TMEM87A: variants seen among roughly 807,000 people sequenced by gnomAD.
TMEM87A encodes the protein Golgi-pH regulating cation channel.
TMEM87A carries 50 observed loss-of-function variants against 90.0 expected under a neutral mutation model. The ratio of observed to expected loss-of-function variants is 0.56; its 90% CI spans 0.44 to 0.70. The LOEUF (loss-of-function observed/expected upper bound fraction) is 0.70, where lower values mean the gene tolerates loss of function less well. Ranked by LOEUF, TMEM87A falls within the 30% of genes least tolerant of loss-of-function variation. The pLI, the probability that TMEM87A is intolerant of heterozygous loss-of-function variation, is 0.00. For synonymous variants in TMEM87A, 226 were observed against 226.7 expected, an observed-to-expected ratio of 1.00 and a Z score of 0.03; for missense variants, 577 against 660.5, an observed-to-expected ratio of 0.87 and a Z score of 1.39.
Position 42,211,742 on chromosome 15 carries a change from A to C in TMEM87A, c.1634T>G (p.Met545Arg). ...PALLDSDEER[M>R]ITHFERSKME Reference sequence around the variant, plus strand: ...TTTGGACCTTTCAAAGTGTGTGATCATTCGTTCCTAGGGAAAAAAAAAAAG... The same window carrying C: ...TTTGGACCTTTCAAAGTGTGTGATCCTTCGTTCCTAGGGAAAAAAAAAAAG... The change falls in exon 20 of 20, where the codon ATG becomes AGG. Residue 545 changes from methionine to arginine, a missense_variant. Coordinates refer to ENST00000389834, the MANE Select transcript of TMEM87A (RefSeq NM_015497.5). The C allele has an allele frequency of 6.2e-7, 1 of 1,611,636 alleles. No individual in the cohort carries two copies. Among genetic ancestry groups the C allele is most frequent in the Non-Finnish European group, 8.5e-7 (1 of 1,179,196 alleles).
chr15:42,249,712 A>G (rs1398242895), intron 6 of TMEM87A, among the ~76,000 whole-genome samples: 1 of 152,182 alleles, frequency 6.6e-6, no homozygotes, highest in East Asian at 1.9e-4. Context: ...CAATTTTGGA[A>G]TAAGTGTGAT....
Position 42,264,189 on chromosome 15 carries a change from C to A in TMEM87A, c.306G>T (p.Glu102Asp). Residue 102 changes from glutamate (E) to aspartate (D), a missense_variant, in exon 4 of 20, where the codon GAG (glutamate) becomes GAT (aspartate). Glu to Asp is a conservative substitution (Grantham distance 45). Coordinates refer to ENST00000389834, the MANE Select transcript of TMEM87A (RefSeq NM_015497.5). ...TTTCCTTAAGTTTTTCCAAATACAA[C>A]TCTACTTCTTCTGCCTGGAAAAAGA... ...EIYNFKAEEV[E>D]LYLEKLKEKR... 2 of 1,612,450 alleles carry A rather than the reference C, an allele frequency of 1.2e-6. No homozygotes were observed. Among genetic ancestry groups the A allele is most frequent in the Non-Finnish European group, 1.7e-6 (2 of 1,178,940 alleles).
chr15:42,242,774 A>T (rs1160735232), intron 7 of TMEM87A, among the ~76,000 whole-genome samples: 1 of 152,052 alleles, frequency 6.6e-6, no homozygotes, highest in Non-Finnish European at 1.5e-5. Flanking sequence ...CATTCTTAAC[A>T]TTTTTTTTAA....
At chr15:42,264,829 AT>A in intron 3 of TMEM87A, among the ~76,000 whole-genome samples, 1 of 151,588 alleles carries the variant, frequency 6.6e-6, no homozygotes, top group East Asian at 1.9e-4. Context: ...CTCAAGAGTT[AT>A]TTTTTCTGAT....
intron 3 of TMEM87A, among the ~76,000 whole-genome samples, chr15:42,264,699 A>ATATATATATATATATATATATTTTT (rs10681614): frequency 9.1e-6 from 1 of 109,416 alleles, no homozygotes; most frequent in African/African-American, 3.1e-5. Flanking sequence ...ATATATATAT[A>ATATATATATATATATATATATTTTT]TTTTTTTTTT....
chr15:42,215,716 G>A (rs1343291600), intron 19 of TMEM87A, among the ~76,000 whole-genome samples: 1 of 152,080 alleles, frequency 6.6e-6, no homozygotes, highest in Non-Finnish European at 1.5e-5. Flanking sequence ...TGTTAGGATG[G>A]TCATTATCAA....
At chr15:42,213,095 G>A (rs1019369786) in intron 19 of TMEM87A, among the ~76,000 whole-genome samples, 2 of 152,156 alleles carry the variant, frequency 1.3e-5, no homozygotes, top group Admixed American at 6.5e-5. Flanking sequence ...GCACCCTCTT[G>A]CCATAATTCT....
chr15:42,243,021 C>A (rs1392408535), intron 7 of TMEM87A, among the ~76,000 whole-genome samples: 1 of 152,060 alleles, frequency 6.6e-6, no homozygotes, highest in African/African-American at 2.4e-5. Context: ...AATCCCAGCA[C>A]TTTGGGAGGC....
intron 12 of TMEM87A, 59 bp downstream of exon 12, chr15:42,231,133 G>T: frequency 7.4e-7 from 1 of 1,349,970 alleles, no homozygotes; most frequent in Non-Finnish European, 9.8e-7. Context: ...AAGATCAATG[G>T]AAACCCATCT....
At chr15:42,255,938 T>TC (rs1440898402) in intron 6 of TMEM87A, among the ~76,000 whole-genome samples, 1 of 149,776 alleles carries the variant, frequency 6.7e-6, no homozygotes, top group African/African-American at 2.5e-5. Context: ...CCCAGCTAAT[T>TC]TTTTTTTTTT....
At chr15:42,268,131 T>A in intron 2 of TMEM87A, 99 bp from the exon 3 acceptor site, 1 of 852,284 alleles carries the variant, frequency 1.2e-6, no homozygotes. Context: ...TACCCTAAAC[T>A]GAGATACTCA....
intron 19 of TMEM87A, among the ~76,000 whole-genome samples, chr15:42,217,364 C>T (rs1291312746): frequency 6.6e-6 from 1 of 152,190 alleles, no homozygotes; most frequent in African/African-American, 2.4e-5. Context: ...TCCTTACTAT[C>T]TGAAGAAGGT....
At chr15:42,213,425 G>C (rs2050327444) in intron 19 of TMEM87A, among the ~76,000 whole-genome samples, 1 of 152,218 alleles carries the variant, frequency 6.6e-6, no homozygotes, top group African/African-American at 2.4e-5. Context: ...CTAGGGAGGA[G>C]AGATGGACTG....
intron 15 of TMEM87A, among the ~76,000 whole-genome samples, chr15:42,222,149 C>G (rs545601487): frequency 2.6e-5 from 4 of 152,208 alleles, no homozygotes; most frequent in African/African-American, 9.6e-5. Flanking sequence ...CAACCTCCCC[C>G]TCCTGGGGTT....
At chr15:42,266,153 A>T (rs2412677) in intron 3 of TMEM87A, among the ~76,000 whole-genome samples, 1 of 152,194 alleles carries the variant, frequency 6.6e-6, no homozygotes, top group Non-Finnish European at 1.5e-5. Flanking sequence ...TTTGAGCAAT[A>T]TATTTTCAAC....
At chr15:42,268,998 GAT>G (rs1351161443) in intron 2 of TMEM87A, among the ~76,000 whole-genome samples, 1 of 151,964 alleles carries the variant, frequency 6.6e-6, no homozygotes, top group Non-Finnish European at 1.5e-5. Context: ...CAAAAGCAAA[GAT>G]AAGAGTATCA....
At chr15:42,256,075 C>T (rs1440175048) in intron 6 of TMEM87A, among the ~76,000 whole-genome samples, 3 of 151,916 alleles carry the variant, frequency 2.0e-5, no homozygotes, top group Admixed American at 6.6e-5. Context: ...CCACCACACC[C>T]GGCCCATAAA....
intron 6 of TMEM87A, 70 bp from the exon 7 acceptor site, chr15:42,244,237 G>T: frequency 9.1e-7 from 1 of 1,095,404 alleles, no homozygotes; most frequent in African/African-American, 1.6e-5. Context: ...AATACAATAT[G>T]CAAATTTTGC....
intron 2 of TMEM87A, among the ~76,000 whole-genome samples, chr15:42,268,307 C>G (rs1269312030): frequency 1.3e-5 from 2 of 152,144 alleles, no homozygotes; most frequent in African/African-American, 4.8e-5. Flanking sequence ...ACTTCTGGAT[C>G]TCTATTGAGA....
Sources: allele counts gnomAD v4.1 joint callset (sites outside exome capture counted in the v4.1 genomes callset), GRCh38; gene constraint gnomAD v4.1.1; transcripts MANE v1.5; gene names NCBI Gene and HGNC (gene_info 2026-07-23, HGNC 2026-07-21).